TPST1: variants seen among roughly 807,000 people sequenced by gnomAD.
TPST1 encodes the protein protein-tyrosine sulfotransferase 1.
Under a neutral mutation model 34.8 loss-of-function variants are expected in TPST1, and 20 were observed. That is an observed-to-expected ratio of 0.57 (90% CI 0.40 to 0.84). The LOEUF (loss-of-function observed/expected upper bound fraction) is 0.84. Ranked by LOEUF, TPST1 falls within the 40% of genes least tolerant of loss-of-function variation. The probability of loss-of-function intolerance (pLI) is 0.00; values close to 1 mark genes in which losing one functional copy is unlikely to be tolerated. For missense variants in TPST1, 353 were observed against 455.5 expected, an observed-to-expected ratio of 0.78 and a Z score of 2.05; for synonymous variants, 152 against 159.4, an observed-to-expected ratio of 0.95 and a Z score of 0.35.
chr7:66,206,870 T>C (rs957222861), intron 1 of TPST1, among the ~76,000 whole-genome samples: 8 of 152,142 alleles, frequency 5.3e-5, no homozygotes, highest in Non-Finnish European at 1.0e-4. Flanking sequence ...AGACCAAATA[T>C]GCTTAAGAAT....
intron 2 of TPST1, among the ~76,000 whole-genome samples, chr7:66,260,723 C>T (rs2115709539): frequency 6.6e-6 from 1 of 152,230 alleles, no homozygotes; most frequent in East Asian, 1.9e-4. Context: ...ATGCAGTTAA[C>T]TTACTTGACC....
In TPST1 at chr7:66,313,423, T is replaced by A. The variant is rs547106948; in HGVS notation, c.1044+26714T>A. 4.0e-5 allele frequency among the ~76,000 whole-genome samples: 6 copies of A among 151,834 alleles called. No individual in the cohort carries two copies. In the South Asian group the frequency reaches 8.4e-4, roughly 21 times the overall value. On this transcript the variant is annotated intron_variant, in intron 3 of 5. Coordinates refer to ENST00000304842, the MANE Select transcript of TPST1 (RefSeq NM_003596.4). ...GGGCGAGACTTGATCTCAAAAAAAA[T>A]AAAATAATAAAATAAAATAAACAAA...
chr7:66,259,116 T>C (rs566724302), intron 2 of TPST1, among the ~76,000 whole-genome samples: 1 of 152,310 alleles, frequency 6.6e-6, no homozygotes, highest in African/African-American at 2.4e-5. Flanking sequence ...TTATCTTTTG[T>C]GTATTTTGTT....
intron 4 of TPST1, among the ~76,000 whole-genome samples, chr7:66,353,956 G>A (rs1792531979): frequency 6.6e-6 from 1 of 152,136 alleles, no homozygotes; most frequent in Non-Finnish European, 1.5e-5. Context: ...ACACTTAGCC[G>A]CCAGTAATTG....
chr7:66,336,544 T>C (rs1044674056), intron 3 of TPST1, among the ~76,000 whole-genome samples: 20 of 152,052 alleles, frequency 1.3e-4, no homozygotes, highest in African/African-American at 4.8e-4. Flanking sequence ...ACAGAACATA[T>C]GAAATTACCC....
At chr7:66,247,295 G>A (rs182554089) in intron 2 of TPST1, among the ~76,000 whole-genome samples, 13 of 152,226 alleles carry the variant, frequency 8.5e-5, no homozygotes, top group African/African-American at 2.9e-4. Context: ...AGGGGTGGTG[G>A]CCCATGCCTG....
chr7:66,214,098 C>T (rs1464567721), intron 1 of TPST1, among the ~76,000 whole-genome samples: 3 of 152,016 alleles, frequency 2.0e-5, no homozygotes, highest in Non-Finnish European at 4.4e-5. Context: ...TATAGTTGTA[C>T]ATCATTACCA....
At chr7:66,281,837 G>A (rs993239643) in intron 2 of TPST1, among the ~76,000 whole-genome samples, 2 of 152,172 alleles carry the variant, frequency 1.3e-5, no homozygotes, top group South Asian at 2.1e-4. Context: ...ACTGAGTCTC[G>A]TGGAAGATCC....
At chr7:66,233,601 G>A (rs1409984497) in intron 1 of TPST1, among the ~76,000 whole-genome samples, 4 of 152,092 alleles carry the variant, frequency 2.6e-5, no homozygotes, top group African/African-American at 7.2e-5. Context: ...GTAGCATTTA[G>A]TTTTGAAATT....
intron 3 of TPST1, among the ~76,000 whole-genome samples, chr7:66,304,905 T>C (rs12530506): frequency 0.037 from 5,584 of 151,844 alleles, 165 homozygotes; most frequent in East Asian, 0.089. Flanking sequence ...GCATCCAGAA[T>C]CTCCTGGGCC....
intron 4 of TPST1, among the ~76,000 whole-genome samples, chr7:66,356,258 T>C (rs967154351): frequency 9.2e-5 from 14 of 152,280 alleles, no homozygotes; most frequent in Admixed American, 4.6e-4. Flanking sequence ...AGCCATAAGA[T>C]AGAAGTGGGC....
chr7:66,303,495 C>T (rs201502864), intron 3 of TPST1, among the ~76,000 whole-genome samples: 2 of 151,976 alleles, frequency 1.3e-5, no homozygotes, highest in East Asian at 1.9e-4. Context: ...CTGCAACCCC[C>T]GCCTCCTGGG....
chr7:66,318,165 A>G (rs1791673565), intron 3 of TPST1, among the ~76,000 whole-genome samples: 2 of 152,124 alleles, frequency 1.3e-5, no homozygotes, highest in South Asian at 2.1e-4. Context: ...CTCAAAAATA[A>G]ATAAATAAAT....
intron 1 of TPST1, chr7:66,221,701 C>T (rs923871716): frequency 2.0e-5 from 3 of 152,134 alleles, no homozygotes; most frequent in African/African-American, 7.2e-5. Flanking sequence ...TTGGTCACTG[C>T]TTTGTGATGT....
intron 2 of TPST1, among the ~76,000 whole-genome samples, chr7:66,269,921 G>C (rs1338352948): frequency 3.3e-5 from 5 of 152,040 alleles, no homozygotes; most frequent in African/African-American, 7.3e-5. Flanking sequence ...CTCATGGTGG[G>C]GGAGGGGGCA....
rs532704352 is a variant in TPST1, at chr7:66,230,627, C to T, written c.-101-9698C>T. On this transcript the variant is annotated intron_variant, in intron 1 of 5. Transcript: ENST00000304842. ...CTTCAGGAGTGAAGCTGCAGATCTT[C>T]GTGGTGAGTGTTACAGCTCATAAAA... Among the ~76,000 whole-genome samples the T allele has an allele frequency of 7.9e-5, 12 of 152,194 alleles. No homozygotes were observed. In the East Asian group the frequency reaches 9.7e-4, roughly 12 times the overall value.
chr7:66,339,301 G>A (rs1214750717), intron 3 of TPST1, among the ~76,000 whole-genome samples: 1 of 152,044 alleles, frequency 6.6e-6, no homozygotes, highest in Non-Finnish European at 1.5e-5. Context: ...GATTGAATCA[G>A]GAAGAAACAA....
chr7:66,325,213 G>A (rs1394499177), intron 3 of TPST1, among the ~76,000 whole-genome samples: 10 of 152,114 alleles, frequency 6.6e-5, no homozygotes, highest in Non-Finnish European at 1.0e-4. Flanking sequence ...ATCACATCTC[G>A]TGAGAACTCA....
At position 66,359,790 on chromosome 7, in the gene TPST1, C is replaced by G. The variant is rs967822772; in HGVS notation, c.*30-105C>G. ...CCCTGATCTGCAGGAACCTCCCCAACCGCCTGGCTTGTCTAGGCCTGTAGC... is the reference window on the plus strand; with the variant it reads ...CCCTGATCTGCAGGAACCTCCCCAAGCGCCTGGCTTGTCTAGGCCTGTAGC... On this transcript the variant is annotated intron_variant, in intron 5 of 5. Coordinates refer to ENST00000304842, the MANE Select transcript of TPST1 (RefSeq NM_003596.4). The G allele has an allele frequency of 1.2e-5, 5 of 433,226 alleles. No homozygotes were observed. The East Asian group carries it at 3.6e-4, about 31-fold the overall frequency. The allele number at this position is 433,226 out of a possible 1,614,324, so 26.8% of individuals were successfully genotyped here. A position where few individuals can be genotyped will look rare whatever the true frequency, so the allele number is the denominator to read the frequency against.
Sources: allele counts gnomAD v4.1 joint callset (sites outside exome capture counted in the v4.1 genomes callset), GRCh38; gene constraint gnomAD v4.1.1; transcripts MANE v1.5; gene names NCBI Gene and HGNC (gene_info 2026-07-23, HGNC 2026-07-21).